The following WWOX variants were observed in gnomAD, a reference collection of about 807,000 sequenced individuals.
The protein encoded by WWOX is WW domain containing oxidoreductase, also known as WW domain-containing oxidoreductase.
A neutral mutation model predicts 46.2 loss-of-function variants in WWOX; 69 were observed. The observed-to-expected ratio is 1.49, with a 90% confidence interval of 1.23 to 1.82. The LOEUF is 1.82. Among genes scored for constraint, WWOX ranks in the 40% most tolerant of loss-of-function variants. WWOX has a pLI of 0.00. For synonymous variants in WWOX, 359 were observed against 202.6 expected (o/e 1.77, Z -6.56); for missense variants, 919 against 542.6 (o/e 1.69, Z -6.89).
chr16:78,102,812 A>T (rs1221725708), intron 1 of WWOX, among the ~76,000 whole-genome samples: 2 of 152,170 alleles, frequency 1.3e-5, no homozygotes, highest in Non-Finnish European at 2.9e-5. Flanking sequence ...TGGCACCCAG[A>T]AGCCATAAGA....
intron 8 of WWOX, among the ~76,000 whole-genome samples, chr16:78,846,809 G>A (rs74031712): frequency 0.012 from 1,852 of 152,210 alleles, 43 homozygotes; most frequent in African/African-American, 0.042. Flanking sequence ...GATTAATACT[G>A]TGGTATTCTC....
At chr16:78,915,878 G>A (rs534872090) in intron 8 of WWOX, among the ~76,000 whole-genome samples, 1 of 152,116 alleles carries the variant, frequency 6.6e-6, no homozygotes, top group Admixed American at 6.6e-5. Context: ...GCTCAAAGAA[G>A]AAAAATAGAA....
chr16:78,844,880 C>T lies in WWOX; in HGVS notation c.1057-366728C>T, dbSNP rs138143405. ...TCTAGCTCACCAGGGACTGAGCATA[C>T]ACCAAAGTGGCCAGAGCTAGTGGTT... On this transcript the variant is annotated intron_variant, in intron 8 of 8. Coordinates refer to ENST00000566780, the MANE Select transcript of WWOX (RefSeq NM_016373.4). Among the ~76,000 whole-genome samples, 1,269 of 152,310 alleles carry T rather than the reference C, an allele frequency of 8.3e-3. 25 individuals are homozygous for T. The highest frequency in any genetic ancestry group is 0.029 in the African/African-American group (1,207 of 41,550).
rs1272816500 is a variant in WWOX, at chr16:78,200,835, GA to G, written c.516+36550del. 2.0e-5 allele frequency among the ~76,000 whole-genome samples: 3 copies of G among 152,206 alleles called. No individual in the cohort carries two copies. In the Middle Eastern group the frequency reaches 0.01, roughly 518 times the overall value. ...ATTCACGATGGGCTGTGCTGGAGGGGAAAACAGGCATCACTCCCAAATTCTA... is the reference window on the plus strand; with the variant it reads ...ATTCACGATGGGCTGTGCTGGAGGGGAAACAGGCATCACTCCCAAATTCTA... On this transcript the variant is annotated intron_variant, in intron 5 of 8. Coordinates refer to ENST00000566780, the MANE Select transcript of WWOX (RefSeq NM_016373.4).
chr16:78,455,550 C>T (rs967576814), intron 8 of WWOX, among the ~76,000 whole-genome samples: 3 of 140,948 alleles, frequency 2.1e-5, no homozygotes, highest in African/African-American at 8.0e-5. Context: ...TGCTGAGGCA[C>T]GAGAATTGCT....
At chr16:78,355,218 T>C (rs1056125752) in intron 5 of WWOX, among the ~76,000 whole-genome samples, 1 of 150,378 alleles carries the variant, frequency 6.6e-6, no homozygotes, top group Non-Finnish European at 1.5e-5. Context: ...CCCCTTTTTT[T>C]CTCTGAAGTC....
Position 78,750,753 on chromosome 16 carries a change from T to C in WWOX, c.1056+318001T>C, listed in dbSNP as rs533946635. On this transcript the variant is annotated intron_variant, in intron 8 of 8. Transcript: ENST00000566780. ...AGTAAGAACATGCGGTATTTGGTTTTCTGTTTCTGCATTTATTCGCTCAGG... is the reference window on the plus strand; with the variant it reads ...AGTAAGAACATGCGGTATTTGGTTTCCTGTTTCTGCATTTATTCGCTCAGG... 1.4e-4 allele frequency among the ~76,000 whole-genome samples: 21 copies of C among 152,334 alleles called. No individual in the cohort carries two copies. The East Asian group carries it at 3.3e-3, about 24-fold the overall frequency.
chr16:78,251,873 T>A (rs1304361274), intron 5 of WWOX, among the ~76,000 whole-genome samples: 1 of 152,210 alleles, frequency 6.6e-6, no homozygotes, highest in Non-Finnish European at 1.5e-5. Context: ...GGGTTATGTG[T>A]GGATTTCATT....
intron 8 of WWOX, among the ~76,000 whole-genome samples, chr16:78,459,784 T>G (rs1180460566): frequency 1.3e-5 from 2 of 152,238 alleles, no homozygotes; most frequent in African/African-American, 2.4e-5. Context: ...ACTGAAAAAT[T>G]GTTAGACTAG....
intron 5 of WWOX, among the ~76,000 whole-genome samples, chr16:78,360,391 GC>G (rs2081384042): frequency 6.6e-6 from 1 of 152,038 alleles, no homozygotes; most frequent in African/African-American, 2.4e-5. Context: ...TTCAAGACCA[GC>G]CTGGTCAAAT....
intron 5 of WWOX, among the ~76,000 whole-genome samples, chr16:78,330,147 A>G (rs2080721278): frequency 6.6e-6 from 1 of 152,192 alleles, no homozygotes; most frequent in Non-Finnish European, 1.5e-5. Context: ...GTTTGAAAAC[A>G]TTCCTTAAAA....
At chr16:78,366,647 G>T (rs1188424876) in intron 5 of WWOX, among the ~76,000 whole-genome samples, 1 of 152,098 alleles carries the variant, frequency 6.6e-6, no homozygotes. Context: ...TTTATATCTC[G>T]TCTGTTGCCA....
intron 8 of WWOX, among the ~76,000 whole-genome samples, chr16:78,974,742 G>T (rs1173600451): frequency 6.6e-6 from 1 of 152,158 alleles, no homozygotes; most frequent in Non-Finnish European, 1.5e-5. Context: ...CCCACACTTG[G>T]TCTCTGGTGT....
At chr16:78,677,630 G>C (rs2047633176) in intron 8 of WWOX, among the ~76,000 whole-genome samples, 1 of 152,170 alleles carries the variant, frequency 6.6e-6, no homozygotes, top group African/African-American at 2.4e-5. Flanking sequence ...CACCTTTTAT[G>C]ATACCTGCCT....
chr16:79,069,719 G>T (rs754144816), intron 8 of WWOX, among the ~76,000 whole-genome samples: 10 of 152,190 alleles, frequency 6.6e-5, no homozygotes, highest in Non-Finnish European at 2.9e-5. Context: ...GAGGCAGTGT[G>T]TGGTCACCAT....
intron 8 of WWOX, among the ~76,000 whole-genome samples, chr16:78,614,068 A>G (rs762209323): frequency 4.6e-5 from 7 of 152,156 alleles, no homozygotes; most frequent in Non-Finnish European, 7.3e-5. Flanking sequence ...AATGCGCTGA[A>G]CCTTGCATGT....
intron 8 of WWOX, among the ~76,000 whole-genome samples, chr16:78,637,467 C>A (rs1052707839): frequency 1.3e-5 from 2 of 151,912 alleles, no homozygotes; most frequent in Admixed American, 6.6e-5. Context: ...TTGTTTCTGG[C>A]CCCACGTTAC....
At position 79,022,946 on chromosome 16, in the gene WWOX, C is replaced by G. The variant is rs111730595; in HGVS notation, c.1057-188662C>G. ...CTGAAAAATGCATCTGCTAATAATA[C>G]CTATGGCATAGGGTTTGGGGAGGAT... On this transcript the variant is annotated intron_variant, in intron 8 of 8. Coordinates refer to ENST00000566780, the MANE Select transcript of WWOX (RefSeq NM_016373.4). 9.7e-4 allele frequency among the ~76,000 whole-genome samples: 147 copies of G among 152,216 alleles called. 3 individuals are homozygous for G. The highest frequency in any genetic ancestry group is 3.4e-3 in the African/African-American group (143 of 41,514).
intron 8 of WWOX, among the ~76,000 whole-genome samples, chr16:78,917,310 G>C (rs935965907): frequency 6.6e-6 from 1 of 152,226 alleles, no homozygotes; most frequent in African/African-American, 2.4e-5. Flanking sequence ...ATCAAAAGAA[G>C]AGAGGGATGG....
Sources: allele counts gnomAD v4.1 joint callset (sites outside exome capture counted in the v4.1 genomes callset), GRCh38; gene constraint gnomAD v4.1.1; transcripts MANE v1.5; gene names NCBI Gene and HGNC (gene_info 2026-07-23, HGNC 2026-07-21).